ZNF804B: variants seen among roughly 807,000 people sequenced by gnomAD.
The protein encoded by ZNF804B is zinc finger 804B.
Under a neutral mutation model 101.4 loss-of-function variants are expected in ZNF804B, and 80 were observed. That is an observed-to-expected ratio of 0.79 (90% CI 0.66 to 0.95). The LOEUF (loss-of-function observed/expected upper bound fraction) is 0.95. Ranked by LOEUF, ZNF804B falls within the 40% of genes least tolerant of loss-of-function variation. The pLI is 0.00. For synonymous variants in ZNF804B, 622 were observed against 558.8 expected (o/e 1.11, Z -1.59); for missense variants, 1,673 against 1,561.9 (o/e 1.07, Z -1.20).
chr7:89,153,935 A>T (rs1790915935), intron 1 of ZNF804B, among the ~76,000 whole-genome samples: 1 of 152,112 alleles, frequency 6.6e-6, no homozygotes, highest in Non-Finnish European at 1.5e-5. Context: ...CGTTTTGACC[A>T]TTCACTCAGA....
intron 2 of ZNF804B, among the ~76,000 whole-genome samples, chr7:89,321,478 CA>C (rs1466730392): frequency 3.3e-5 from 5 of 151,634 alleles, no homozygotes; most frequent in Non-Finnish European, 7.4e-5. Context: ...GACCCCATCT[CA>C]AAAAATAATA....
chr7:88,934,466 C>T (rs373360393), intron 1 of ZNF804B, among the ~76,000 whole-genome samples: 8 of 151,936 alleles, frequency 5.3e-5, no homozygotes, highest in African/African-American at 1.7e-4. Flanking sequence ...ACAGACAACC[C>T]ACAGAATGGG....
chr7:89,314,743 C>A (rs1271983512), intron 2 of ZNF804B, among the ~76,000 whole-genome samples: 1 of 152,114 alleles, frequency 6.6e-6, no homozygotes, highest in East Asian at 1.9e-4. Flanking sequence ...GTGACAGAAA[C>A]AAAATATAAA....
intron 2 of ZNF804B, among the ~76,000 whole-genome samples, chr7:89,319,677 A>G (rs921376232): frequency 7.9e-5 from 12 of 152,196 alleles, no homozygotes; most frequent in African/African-American, 2.2e-4. Flanking sequence ...AGATAGAAGA[A>G]TACTGATAGA....
chr7:89,065,495 G>A (rs1196868940), intron 1 of ZNF804B, among the ~76,000 whole-genome samples: 1 of 151,858 alleles, frequency 6.6e-6, no homozygotes, highest in Non-Finnish European at 1.5e-5. Flanking sequence ...CACCAGTATG[G>A]GACCCCTTTA....
chr7:89,184,970 T>G (rs1246189203), intron 1 of ZNF804B, among the ~76,000 whole-genome samples: 2 of 152,136 alleles, frequency 1.3e-5, no homozygotes, highest in Non-Finnish European at 2.9e-5. Flanking sequence ...AGGTCTTAAG[T>G]CAACAGTGAC....
intron 1 of ZNF804B, among the ~76,000 whole-genome samples, chr7:88,773,768 C>T (rs912036465): frequency 7.9e-5 from 12 of 151,752 alleles, no homozygotes; most frequent in African/African-American, 2.9e-4. Context: ...AAAGTGGGAG[C>T]CTGCATGTCA....
chr7:89,077,390 A>T (rs923588320), intron 1 of ZNF804B, among the ~76,000 whole-genome samples: 1 of 152,178 alleles, frequency 6.6e-6, no homozygotes, highest in Non-Finnish European at 1.5e-5. Context: ...TAGCTGTAAG[A>T]TATAAAATCA....
At chr7:88,859,024 G>A (rs924740466) in intron 1 of ZNF804B, among the ~76,000 whole-genome samples, 2 of 151,896 alleles carry the variant, frequency 1.3e-5, no homozygotes, top group Admixed American at 6.6e-5. Context: ...CATTATGAAC[G>A]CATTAAATAT....
intron 1 of ZNF804B, among the ~76,000 whole-genome samples, chr7:88,781,295 G>A (rs1790221940): frequency 6.6e-6 from 1 of 152,176 alleles, no homozygotes; most frequent in Non-Finnish European, 1.5e-5. Flanking sequence ...AGCGTTTATT[G>A]AAGTGTAGCT....
chr7:88,984,711 C>G (rs1034171768), intron 1 of ZNF804B, among the ~76,000 whole-genome samples: 2 of 152,084 alleles, frequency 1.3e-5, no homozygotes, highest in East Asian at 3.9e-4. Context: ...TACATTTTCT[C>G]TATGACACTT....
At chr7:88,975,430 C>T (rs1793602870) in intron 1 of ZNF804B, among the ~76,000 whole-genome samples, 1 of 151,244 alleles carries the variant, frequency 6.6e-6, no homozygotes, top group Non-Finnish European at 1.5e-5. Flanking sequence ...CGCACATCCT[C>T]ACCAATATTT....
chr7:89,104,226 A>G (rs959415308), intron 1 of ZNF804B, among the ~76,000 whole-genome samples: 4 of 152,010 alleles, frequency 2.6e-5, no homozygotes, highest in Admixed American at 6.6e-5. Context: ...TGATTTTACT[A>G]TTAGGGTTAT....
intron 1 of ZNF804B, among the ~76,000 whole-genome samples, chr7:89,015,144 G>T (rs770278118): frequency 6.6e-6 from 1 of 152,068 alleles, no homozygotes; most frequent in Non-Finnish European, 1.5e-5. Context: ...TTTGTCAAAA[G>T]TTAGTTGGCT....
rs142173882 is a variant in ZNF804B, at chr7:89,102,139, T to C, written c.109-116016T>C. Among the ~76,000 whole-genome samples the C allele has an allele frequency of 2.0e-5, 3 of 152,108 alleles. No individual in the cohort carries two copies. The East Asian group carries it at 5.8e-4, about 29-fold the overall frequency. ...TGTAAATGGTGCTGTGATAAACATGTGAATGCAGGTGTCGGTTTTACATGA... is the reference window on the plus strand; with the variant it reads ...TGTAAATGGTGCTGTGATAAACATGCGAATGCAGGTGTCGGTTTTACATGA... On this transcript the variant is annotated intron_variant, in intron 1 of 3. Transcript: ENST00000333190.
chr7:88,794,510 G>A, intron 1 of ZNF804B: 1 of 1,613,666 alleles, frequency 6.2e-7, no homozygotes, highest in Non-Finnish European at 8.5e-7. Flanking sequence ...ACATGCCATT[G>A]CATAAAAAGC....
intron 3 of ZNF804B, among the ~76,000 whole-genome samples, chr7:89,331,166 A>AACTTAATCCAGAAGTATAGTTCCT (rs1790971608): frequency 6.6e-6 from 1 of 151,626 alleles, no homozygotes; most frequent in Non-Finnish European, 1.5e-5. Context: ...GGAGAAGATT[A>AACTTAATCCAGAAGTATAGTTCCT]ACTTAATCCA....
chr7:89,285,225 A>T (rs920036677), intron 2 of ZNF804B, among the ~76,000 whole-genome samples: 7 of 151,778 alleles, frequency 4.6e-5, no homozygotes, highest in African/African-American at 1.5e-4. Flanking sequence ...TCACAAAAAA[A>T]TAAAAGAAGA....
At chr7:88,846,080 G>A (rs2115817452) in intron 1 of ZNF804B, among the ~76,000 whole-genome samples, 1 of 152,184 alleles carries the variant, frequency 6.6e-6, no homozygotes, top group East Asian at 1.9e-4. Context: ...GCTGACACTG[G>A]CAGAACATTT....
Sources: gnomAD v4.1 joint callset for allele counts (sites outside exome capture counted in the v4.1 genomes callset) on GRCh38, gnomAD v4.1.1 for gene constraint, MANE v1.5 for transcripts, NCBI Gene and HGNC (gene_info 2026-07-23, HGNC 2026-07-21) for gene names.